Variants in ZIM2 observed in about 807,000 individuals in gnomAD.
ZIM2 encodes zinc finger imprinted 2.
A neutral mutation model predicts 38.6 loss-of-function variants in ZIM2; 14 were observed. The ratio of observed to expected loss-of-function variants is 0.36; its 90% CI spans 0.24 to 0.57. The LOEUF (loss-of-function observed/expected upper bound fraction) is 0.57. Among genes scored for constraint, ZIM2 ranks in the 20% least tolerant of loss-of-function variants. The pLI, the probability that ZIM2 is intolerant of heterozygous loss-of-function variation, is 0.81. For synonymous variants in ZIM2, 247 were observed against 245.8 expected (o/e 1.00, Z -0.04); for missense variants, 680 against 695.1 (o/e 0.98, Z 0.24).
chr19:56,802,006 C>T (rs2047548678), intron 9 of ZIM2, among the ~76,000 whole-genome samples: 1 of 152,126 alleles, frequency 6.6e-6, no homozygotes, highest in Non-Finnish European at 1.5e-5. Flanking sequence ...TCCTAAAGAC[C>T]TAAGGGACTA....
chr19:56,823,207 A>G (rs182423878), intron 5 of ZIM2, among the ~76,000 whole-genome samples: 1 of 152,188 alleles, frequency 6.6e-6, no homozygotes, highest in African/African-American at 2.4e-5. Context: ...ACGTTATTCT[A>G]CTACAAAAAA....
intron 9 of ZIM2, among the ~76,000 whole-genome samples, chr19:56,803,644 A>C (rs549091302): frequency 1.1e-4 from 16 of 152,338 alleles, no homozygotes; most frequent in Non-Finnish European, 2.1e-4. Context: ...TTTTAAGATT[A>C]TTGGAAGCTG....
chr19:56,828,833 C>T (rs1348892229), intron 2 of ZIM2, among the ~76,000 whole-genome samples: 1 of 152,006 alleles, frequency 6.6e-6, no homozygotes, highest in Non-Finnish European at 1.5e-5. Context: ...TACAATAAAC[C>T]TTTTTTGACC....
chr19:56,821,807 TC>T (rs2060516802), intron 6 of ZIM2, 53 bp from the exon 7 acceptor site: 2 of 1,594,416 alleles, frequency 1.3e-6, no homozygotes, highest in Non-Finnish European at 8.6e-7. Context: ...ATCCTGCAGG[TC>T]CCAGGTTTGT....
intron 5 of ZIM2, among the ~76,000 whole-genome samples, 188 bp downstream of exon 5, chr19:56,823,402 G>T (rs112247074): frequency 6.6e-6 from 1 of 152,128 alleles, no homozygotes; most frequent in African/African-American, 2.4e-5. Context: ...AGTATTTAAG[G>T]TGTCTGTTTA....
intron 9 of ZIM2, chr19:56,810,964 C>A: frequency 4.1e-6 from 4 of 970,820 alleles, no homozygotes; most frequent in Non-Finnish European, 4.9e-6. Context: ...AAGTATTTAA[C>A]CATAATTCCA....
chr19:56,826,373 C>T lies in ZIM2; in HGVS notation c.-151+15G>A, dbSNP rs992069816. The T allele has an allele frequency of 6.6e-6, 1 of 152,254 alleles. No individual in the cohort carries two copies. The highest frequency in any genetic ancestry group is 1.5e-5 in the Non-Finnish European group (1 of 68,058). The allele number at this position is 152,254 out of a possible 1,614,324, so 9.4% of individuals were successfully genotyped here. On this transcript the variant is annotated intron_variant, in intron 3 of 12. Coordinates refer to ENST00000629319, the MANE Select transcript of ZIM2 (RefSeq NM_001387356.1). ...TCATCCTCAGGCAACAAGATACCCT[C>T]AGATATGTAATCACCTGTCTGGGAA...
intron 5 of ZIM2, among the ~76,000 whole-genome samples, 164 bp from the exon 6 acceptor site, chr19:56,823,000 T>C (rs1357022419): frequency 6.6e-6 from 1 of 152,150 alleles, no homozygotes; most frequent in Admixed American, 6.5e-5. Context: ...GGCCCCTTCT[T>C]TATCATATAC....
intron 9 of ZIM2, chr19:56,815,877 A>T (rs202029369): frequency 6.2e-7 from 1 of 1,613,454 alleles, no homozygotes; most frequent in Non-Finnish European, 8.5e-7. Context: ...CCTTCTCATT[A>T]GATTCCACCA....
intron 2 of ZIM2, chr19:56,833,060 T>TG: frequency 2.2e-6 from 1 of 453,368 alleles, no homozygotes; most frequent in Non-Finnish European, 4.4e-6. Context: ...GATGGGTCAG[T>TG]GTTCAACTGA....
Position 56,814,329 on chromosome 19 carries a change from G to GGCTGCTGCTGCTGCAGCT in ZIM2, c.490+3399_490+3416dup, listed in dbSNP as rs768462739. ...CATGGACATTGGCTTCAACTTCCTG[G>GGCTGCTGCTGCTGCAGCT]GCTGCTGCTGCTGCAGCTGCTGCTG... On this transcript the variant is annotated intron_variant, in intron 9 of 12. Transcript: ENST00000629319. This position sits in a 1 kb window ranked among gnomAD's most constrained non-coding sequence, Gnocchi z 5.8. The GGCTGCTGCTGCTGCAGCT allele has an allele frequency of 6.2e-7, 1 of 1,613,674 alleles. No homozygotes were observed. The highest frequency in any genetic ancestry group is 1.1e-5 in the South Asian group (1 of 91,066).
intron 10 of ZIM2, among the ~76,000 whole-genome samples, chr19:56,787,710 G>GTTTTTTTT (rs56289231): frequency 9.4e-6 from 1 of 105,858 alleles, no homozygotes; most frequent in Non-Finnish European, 2.0e-5. Context: ...CTGGTCCTGG[G>GTTTTTTTT]TTTTTTTTTT....
rs1375204945 is a variant in ZIM2 at position 56,810,505 on chromosome 19, T to C, written c.490+7241A>G. 6.1e-6 allele frequency: 6 copies of C among 984,814 alleles called. No homozygotes were observed. In the African/African-American group the frequency reaches 1.0e-4, roughly 17 times the overall value. The allele number at this position is 984,814 out of a possible 1,614,324, so 61.0% of individuals were successfully genotyped here. ...GATCAAGATGTTAACAGTTAATTGT[T>C]GTTGGGTGTTGGGAATATGTGTGAA... On this transcript the variant is annotated intron_variant, in intron 9 of 12. Coordinates refer to ENST00000629319, the MANE Select transcript of ZIM2 (RefSeq NM_001387356.1).
chr19:56,780,573 A>G (rs1002585828), intron 11 of ZIM2, among the ~76,000 whole-genome samples: 12 of 152,050 alleles, frequency 7.9e-5, no homozygotes, highest in African/African-American at 2.9e-4. Flanking sequence ...GAAGCTTTAT[A>G]TCAACCCTAT....
chr19:56,816,812 A>C, intron 9 of ZIM2: 1 of 1,614,160 alleles, frequency 6.2e-7, no homozygotes, highest in Non-Finnish European at 8.5e-7. Flanking sequence ...CTAGGCATGA[A>C]GGCTTCCTCA....
At chr19:56,787,061 C>T (rs1186020220) in intron 10 of ZIM2, among the ~76,000 whole-genome samples, 2 of 151,794 alleles carry the variant, frequency 1.3e-5, no homozygotes, top group African/African-American at 4.8e-5. Context: ...GTCTTCAACT[C>T]CTGACCTAAG....
intron 9 of ZIM2, among the ~76,000 whole-genome samples, chr19:56,790,315 T>G (rs1219799550): frequency 1.3e-5 from 2 of 152,192 alleles, no homozygotes; most frequent in Non-Finnish European, 2.9e-5. Flanking sequence ...CCCACTTATC[T>G]GAGGTTTTGT....
At chr19:56,815,249 C>T in intron 9 of ZIM2, 2 of 1,614,212 alleles carry the variant, frequency 1.2e-6, no homozygotes, top group Non-Finnish European at 8.5e-7. Context: ...GTATTCTCGC[C>T]TTGAGACTCC....
Position 56,774,874 on chromosome 19 carries a change from G to A in ZIM2, c.1491C>T (p.Cys497=). Residue 497 remains cysteine (C), a synonymous_variant, in exon 13 of 13, where the codon TGC becomes TGT. Transcript: ENST00000629319. ...RKHDYVGERA[C]QCCDCGRVFS... ...AGACTCTGCCACAGTCACAACACTG[G>A]CAGGCTCTCTCTCCAACGTAGTCAT... The A allele has an allele frequency of 6.2e-7, 1 of 1,614,162 alleles. No homozygotes were observed. The highest frequency in any genetic ancestry group is 8.5e-7 in the Non-Finnish European group (1 of 1,180,034).
Sources: gnomAD v4.1 joint callset for allele counts (sites outside exome capture counted in the v4.1 genomes callset) on GRCh38, gnomAD v4.1.1 for gene constraint, Gnocchi (gnomAD v3.1) non-coding constraint, MANE v1.5 for transcripts, NCBI Gene and HGNC (gene_info 2026-07-23, HGNC 2026-07-21) for gene names.